The following PCDH7 variants were observed in gnomAD, a reference collection of about 807,000 sequenced individuals.
The protein encoded by PCDH7 is protocadherin 7, also known as protocadherin-7.
Under a neutral mutation model 58.9 loss-of-function variants are expected in PCDH7, and 17 were observed. The observed-to-expected ratio is 0.29, with a 90% CI of 0.20 to 0.43. The LOEUF (loss-of-function observed/expected upper bound fraction) is 0.43. Among genes scored for constraint, PCDH7 ranks in the 20% least tolerant of loss-of-function variants. The pLI, the probability that PCDH7 is intolerant of heterozygous loss-of-function variation, is 1.00. For missense variants in PCDH7, 1,274 were observed against 1,441.0 expected, an observed-to-expected ratio of 0.88 and a Z score of 1.88; for synonymous variants, 664 against 616.4, an observed-to-expected ratio of 1.08 and a Z score of -1.14.
intron 1 of PCDH7, among the ~76,000 whole-genome samples, chr4:30,876,626 T>C (rs1396479514): frequency 1.3e-5 from 2 of 152,060 alleles, no homozygotes. Flanking sequence ...CCTCAGGGAA[T>C]GGGTATTTAA....
chr4:30,921,355 C>T (rs530366571), intron 2 of PCDH7, among the ~76,000 whole-genome samples: 5 of 152,140 alleles, frequency 3.3e-5, no homozygotes, highest in Non-Finnish European at 4.4e-5. Flanking sequence ...TGACATAAGA[C>T]GCTCTAACTT....
intron 3 of PCDH7, among the ~76,000 whole-genome samples, chr4:31,014,110 A>C (rs1240963184): frequency 6.6e-6 from 1 of 152,134 alleles, no homozygotes; most frequent in Non-Finnish European, 1.5e-5. Context: ...AACTCATTTA[A>C]AATCCTGATT....
At chr4:31,097,635 T>TATATATATATAA (rs1560221934) in intron 3 of PCDH7, among the ~76,000 whole-genome samples, 2 of 45,698 alleles carry the variant, frequency 4.4e-5, no homozygotes, top group Non-Finnish European at 7.4e-5. Flanking sequence ...TATATATATA[T>TATATATATATAA]ATAAATCTTT....
chr4:31,052,074 T>C (rs9291559), intron 3 of PCDH7, among the ~76,000 whole-genome samples: 1 of 151,382 alleles, frequency 6.6e-6, no homozygotes, highest in South Asian at 2.1e-4. Flanking sequence ...AAGGCTAATA[T>C]TGCTCTGTGG....
intron 3 of PCDH7, among the ~76,000 whole-genome samples, chr4:31,137,895 A>G (rs1399943866): frequency 6.6e-6 from 1 of 152,220 alleles, no homozygotes; most frequent in Non-Finnish European, 1.5e-5. Flanking sequence ...TCTCTCAGCA[A>G]ATGCAAAGAT....
At chr4:30,819,484 C>T (rs1311486451) in intron 1 of PCDH7, among the ~76,000 whole-genome samples, 1 of 152,026 alleles carries the variant, frequency 6.6e-6, no homozygotes, top group Non-Finnish European at 1.5e-5. Context: ...TGTGCTCATA[C>T]AAGAGTTTAA....
intron 3 of PCDH7, among the ~76,000 whole-genome samples, chr4:30,977,868 A>G (rs1395356500): frequency 6.6e-6 from 1 of 152,154 alleles, no homozygotes; most frequent in Admixed American, 6.5e-5. Context: ...GTATTTTCCC[A>G]TGTTGGCCAT....
At chr4:30,873,776 A>G (rs1255999350) in intron 1 of PCDH7, among the ~76,000 whole-genome samples, 1 of 152,116 alleles carries the variant, frequency 6.6e-6, no homozygotes, top group East Asian at 1.9e-4. Context: ...GGATAAATTC[A>G]AATCCATAGA....
intron 1 of PCDH7, chr4:30,783,140 C>T (rs1485961471): frequency 2.6e-5 from 4 of 152,082 alleles, no homozygotes; most frequent in South Asian, 2.1e-4. Context: ...TCCTAAATCC[C>T]ATGTTCACTC....
At chr4:30,969,775 T>A (rs1028452288) in intron 3 of PCDH7, among the ~76,000 whole-genome samples, 3 of 152,184 alleles carry the variant, frequency 2.0e-5, no homozygotes, top group Non-Finnish European at 4.4e-5. Flanking sequence ...AGTTTTTATT[T>A]TCTGGTTTTA....
chr4:30,990,310 A>G (rs1404150016), intron 3 of PCDH7, among the ~76,000 whole-genome samples: 6 of 152,086 alleles, frequency 3.9e-5, no homozygotes, highest in Non-Finnish European at 7.4e-5. Context: ...ATATAGACAC[A>G]CACTATATAT....
chr4:31,093,729 A>C (rs936666479), intron 3 of PCDH7, among the ~76,000 whole-genome samples: 8 of 152,118 alleles, frequency 5.3e-5, no homozygotes, highest in Non-Finnish European at 1.2e-4. Context: ...TCAATTTAAT[A>C]ATTCTTGGAT....
intron 1 of PCDH7, among the ~76,000 whole-genome samples, chr4:30,888,931 A>G (rs1738216378): frequency 6.6e-6 from 1 of 152,114 alleles, no homozygotes; most frequent in African/African-American, 2.4e-5. Context: ...CTGTAATTCC[A>G]GCAATTTGGG....
chr4:31,096,976 C>T (rs1714085463), intron 3 of PCDH7, among the ~76,000 whole-genome samples: 1 of 151,554 alleles, frequency 6.6e-6, no homozygotes, highest in African/African-American at 2.4e-5. Flanking sequence ...ATGTGCTTTT[C>T]ATGAGGTTGT....
At chr4:30,826,446 A>C (rs1290129222) in intron 1 of PCDH7, among the ~76,000 whole-genome samples, 2 of 152,060 alleles carry the variant, frequency 1.3e-5, no homozygotes, top group African/African-American at 4.8e-5. Flanking sequence ...CCCTCGGTCC[A>C]ACTGAGTCTC....
chr4:30,851,440 GTA>G (rs1335925797), intron 1 of PCDH7, among the ~76,000 whole-genome samples: 1 of 151,886 alleles, frequency 6.6e-6, no homozygotes, highest in Admixed American at 6.6e-5. Flanking sequence ...CTCTGGTCGA[GTA>G]TATTCATTTA....
At chr4:30,898,032 T>A (rs1329961005) in intron 1 of PCDH7, among the ~76,000 whole-genome samples, 1 of 152,184 alleles carries the variant, frequency 6.6e-6, no homozygotes. Flanking sequence ...TGAACCCCGA[T>A]AAGAAAATTG....
At chr4:31,044,870 A>G (rs746325079) in intron 3 of PCDH7, among the ~76,000 whole-genome samples, 1 of 151,994 alleles carries the variant, frequency 6.6e-6, no homozygotes, top group South Asian at 2.1e-4. Context: ...GTATTTATCA[A>G]TTTTCCCAAG....
chr4:30,886,730 C>T (rs1382478545), intron 1 of PCDH7, among the ~76,000 whole-genome samples: 5 of 151,658 alleles, frequency 3.3e-5, no homozygotes, highest in Admixed American at 3.3e-4. Flanking sequence ...ACTCAAACGT[C>T]CAACAATGAT....
Sources: gnomAD v4.1 joint callset for allele counts (sites outside exome capture counted in the v4.1 genomes callset) on GRCh38, gnomAD v4.1.1 for gene constraint, MANE v1.5 for transcripts, NCBI Gene and HGNC (gene_info 2026-07-23, HGNC 2026-07-21) for gene names.